The following FLG variants were observed in gnomAD, a reference collection of about 807,000 sequenced individuals.
The protein encoded by FLG is epidermal filaggrin.
Under a neutral mutation model 3.8 loss-of-function variants are expected in FLG, and 6 were observed. The observed-to-expected ratio is 1.60, with a 90% CI of 0.87 to 3.15. The LOEUF (loss-of-function observed/expected upper bound fraction) is 3.15, where lower values mean the gene tolerates loss of function less well. Among genes scored for constraint, FLG ranks in the 30% most tolerant of loss-of-function variants. The pLI, the probability that FLG is intolerant of heterozygous loss-of-function variation, is 0.00. For synonymous variants in FLG, 2,551 were observed against 1,931.6 expected (o/e 1.32, Z -8.41); for missense variants, 7,595 against 5,050.9 (o/e 1.50, Z -15.27).
rs770852026 is a variant in FLG at position 152,312,604 on chromosome 1, G to A, written c.2282C>T (p.Ser761Leu). ...ACCAGCCTGTCCATGGCCTGACACTGACTGTGTGTCTGAGTCTTCTGAATG... is the reference window on the plus strand; with the variant it reads ...ACCAGCCTGTCCATGGCCTGACACTAACTGTGTGTCTGAGTCTTCTGAATG... ...EGHSEDSDTQ[S>L]VSGHGQAGHH... Residue 761 changes from serine to leucine, a missense_variant, in exon 3 of 3, where the codon TCA (serine) becomes TTA (leucine). Physicochemically the swap from Ser to Leu is moderately radical, Grantham distance 145 (BLOSUM62 -2). Coordinates refer to ENST00000368799, the MANE Select transcript of FLG (RefSeq NM_002016.2). 2 of 1,553,542 alleles carry A rather than the reference G, an allele frequency of 1.3e-6. No individual in the cohort carries two copies. The highest frequency in any genetic ancestry group is 1.8e-6 in the Non-Finnish European group (2 of 1,125,894).
Position 152,313,468 on chromosome 1 carries a change from C to G in FLG, c.1418G>C (p.Ser473Thr), listed in dbSNP as rs377592328. ...GGCAGAGTCAGGCTGTTCATGAGTG[C>G]TCACCTGGTAGAGGGAAGACCCTGA... ...GRSGSSLYQV[S>T]THEQPDSAHG... The change falls in exon 3 of 3, where the codon AGC (serine) becomes ACC (threonine). Residue 473 changes from serine (S) to threonine (T), a missense_variant. Transcript: ENST00000368799. 6.2e-7 allele frequency: 1 copy of G among 1,613,884 alleles called. No homozygotes were observed. The highest frequency in any genetic ancestry group is 8.5e-7 in the Non-Finnish European group (1 of 1,179,972).
In FLG at chr1:152,302,476, C is replaced by T. The variant is rs904482456; in HGVS notation, c.*224G>A. ...TCCAGCTAGTTTTCTAAAGTTAGCT[C>T]TCCATGATATTGATTTCTTCCATTT... On this transcript the variant is annotated 3_prime_UTR_variant, in exon 3 of 3. Coordinates refer to ENST00000368799, the MANE Select transcript of FLG (RefSeq NM_002016.2). The T allele has an allele frequency of 5.1e-6, 3 of 588,156 alleles. No homozygotes were observed. Among genetic ancestry groups the T allele is most frequent in the Non-Finnish European group, 8.7e-6 (3 of 344,728 alleles). The allele number at this position is 588,156 out of a possible 1,614,324, so 36.4% of individuals were successfully genotyped here.
At position 152,314,186 on chromosome 1, in the gene FLG, C is replaced by A; in HGVS notation, c.700G>T (p.Ala234Ser). 8 of 1,614,056 alleles carry A rather than the reference C, an allele frequency of 5.0e-6. No homozygotes were observed. The highest frequency in any genetic ancestry group is 5.9e-6 in the Non-Finnish European group (7 of 1,180,004). Residue 234 changes from alanine to serine, a missense_variant, in exon 3 of 3, where the codon GCC (alanine) becomes TCC (serine). Physicochemically the swap from Ala to Ser is moderately conservative, Grantham distance 99. Transcript: ENST00000368799. Reference sequence around the variant, plus strand: ...TCATCCTGGATTGTGTAATATGTGGCAATATGGCCTGATTGTATCCATTTT... The same window carrying A: ...TCATCCTGGATTGTGTAATATGTGGAAATATGGCCTGATTGTATCCATTTT... ...TQKWIQSGHI[A>S]TYYTIQDEAY...
At position 152,302,480 on chromosome 1, in the gene FLG, A is replaced by G. The variant is rs1190701196; in HGVS notation, c.*220T>C. 1.7e-6 allele frequency: 1 copy of G among 602,102 alleles called. No homozygotes were observed. The highest frequency in any genetic ancestry group is 3.0e-5 in the East Asian group (1 of 33,396). 37.3% of individuals were successfully genotyped at this position (602,102 alleles called of 1,614,324 possible). A position where few individuals can be genotyped will look rare whatever the true frequency, so the allele number is the denominator to read the frequency against. ...GCTAGTTTTCTAAAGTTAGCTCTCCATGATATTGATTTCTTCCATTTAATA... is the reference window on the plus strand; with the variant it reads ...GCTAGTTTTCTAAAGTTAGCTCTCCGTGATATTGATTTCTTCCATTTAATA... On this transcript the variant is annotated 3_prime_UTR_variant, in exon 3 of 3. Coordinates refer to ENST00000368799, the MANE Select transcript of FLG (RefSeq NM_002016.2).
rs763655543 is a variant in FLG at position 152,304,907 on chromosome 1, C to T, written c.9979G>A (p.Val3327Ile). ...GIPRGQASSAVRDSRHWGSSG... is the reference protein window; with the variant it reads ...GIPRGQASSAIRDSRHWGSSG... ...GACCCCCAGTGTCTACTGTCTCTGA[C>T]TGCAGATGAAGCTTGTCCACGCGGA... The change falls in exon 3 of 3, where the codon GTC becomes ATC. Residue 3327 changes from valine to isoleucine, a missense_variant. Val to Ile is a conservative substitution (Grantham distance 29). Transcript: ENST00000368799. 6.2e-6 allele frequency: 10 copies of T among 1,613,878 alleles called. No individual in the cohort carries two copies. Among genetic ancestry groups the T allele is most frequent in the East Asian group, 2.2e-5 (1 of 44,806 alleles).
At position 152,313,295 on chromosome 1, in the gene FLG, G is replaced by T. The variant is rs780619446; in HGVS notation, c.1591C>A (p.His531Asn). ...GACCTATTTACCGATTGCTCGTGGT[G>T]GGATCCCTGCCTTCCTCCTCTGCTT... ...GSSRGGRQGS[H>N]HEQSVNRSGH... The change falls in exon 3 of 3, where the codon CAC (histidine) becomes AAC (asparagine). Residue 531 changes from histidine to asparagine, a missense_variant. By Grantham distance (68) the His-to-Asn change is moderately conservative. Transcript: ENST00000368799. The T allele has an allele frequency of 6.2e-7, 1 of 1,613,754 alleles. No homozygotes were observed. The highest frequency in any genetic ancestry group is 1.7e-5 in the Admixed American group (1 of 59,988).
chr1:152,313,391 G>A lies in FLG; in HGVS notation c.1495C>T (p.Gln499Ter). 6 of 1,613,782 alleles carry A rather than the reference G, an allele frequency of 3.7e-6. No homozygotes were observed. The highest frequency in any genetic ancestry group is 1.1e-5 in the South Asian group (1 of 91,054). Reference sequence around the variant, plus strand: ...GAATGCCTGGAGCTGTCTCGTGCCTGCTCGTGGTGCGATCCTTGTCTTCCT... The same window carrying A: ...GAATGCCTGGAGCTGTCTCGTGCCTACTCGTGGTGCGATCCTTGTCTTCCT... ...TGGRQGSHHE[Q>*]ARDSSRHSAS... Residue 499 changes from glutamine (Q) to a stop codon, truncating the protein, a stop_gained, in exon 3 of 3, where the codon CAG becomes TAG. Coordinates refer to ENST00000368799, the MANE Select transcript of FLG (RefSeq NM_002016.2). LOFTEE classifies it low-confidence loss of function (END_TRUNC).
intron 1 of FLG, among the ~76,000 whole-genome samples, chr1:152,317,301 T>A (rs1271705771): frequency 6.6e-6 from 1 of 152,096 alleles, no homozygotes; most frequent in East Asian, 1.9e-4. Flanking sequence ...ATCTGTTCCC[T>A]TTTATAGCAA....
intron 1 of FLG, among the ~76,000 whole-genome samples, chr1:152,318,624 A>T (rs1326590295): frequency 6.6e-6 from 1 of 151,916 alleles, no homozygotes; most frequent in Non-Finnish European, 1.5e-5. Context: ...ATCACTTCAG[A>T]TACCATCTAT....
chr1:152,304,910 C>T lies in FLG; in HGVS notation c.9976G>A (p.Ala3326Thr). The T allele has an allele frequency of 6.2e-7, 1 of 1,613,840 alleles. No individual in the cohort carries two copies. The highest frequency in any genetic ancestry group is 8.5e-7 in the Non-Finnish European group (1 of 1,179,962). Residue 3326 changes from alanine to threonine, a missense_variant, in exon 3 of 3, where the codon GCA (alanine) becomes ACA (threonine). Physicochemically the swap from Ala to Thr is moderately conservative, Grantham distance 58. Transcript: ENST00000368799. ...SGIPRGQASS[A>T]VRDSRHWGSS... The stretch of plus-strand genomic sequence containing the variant: ...CCCCAGTGTCTACTGTCTCTGACTG[C>T]AGATGAAGCTTGTCCACGCGGAATG...
At position 152,304,432 on chromosome 1, in the gene FLG, G is replaced by A. The variant is rs200036291; in HGVS notation, c.10454C>T (p.Ala3485Val). Residue 3485 changes from alanine to valine, a missense_variant, in exon 3 of 3, where the codon GCC (alanine) becomes GTC (valine). Ala to Val is a moderately conservative substitution (Grantham distance 64). Coordinates refer to ENST00000368799, the MANE Select transcript of FLG (RefSeq NM_002016.2). ...ASRGQSGSRS[A>V]SRQTRNDEQS... is the part of the protein sequence containing the mutation. ...TTCGTCATTACGAGTTTGTCTGCTG[G>A]CACTTCTGGATCCTGACTGCCCACG... The A allele has an allele frequency of 3.0e-5, 48 of 1,611,866 alleles. 2 individuals are homozygous for A. In the South Asian group the frequency reaches 4.2e-4, roughly 14 times the overall value.
In FLG at chr1:152,314,576, G is replaced by T. The variant is rs748929953; in HGVS notation, c.310C>A (p.His104Asn). 1.9e-6 allele frequency: 3 copies of T among 1,613,530 alleles called. No individual in the cohort carries two copies. ...LPISGHKHRK[H>N]SHHDKHEDNK... ...TCTTCATGTTTATCATGATGACTGT[G>T]CTTTCTGTGCTTGTGTCCTGATATC... The change falls in exon 3 of 3, where the codon CAC becomes AAC. Residue 104 changes from histidine to asparagine, a missense_variant. Coordinates refer to ENST00000368799, the MANE Select transcript of FLG (RefSeq NM_002016.2).
Position 152,310,827 on chromosome 1 carries a change from T to G in FLG, c.4059A>C (p.Pro1353=), listed in dbSNP as rs767423748. 6.2e-7 allele frequency: 1 copy of G among 1,611,874 alleles called. No individual in the cohort carries two copies. The highest frequency in any genetic ancestry group is 1.1e-5 in the South Asian group (1 of 90,940). ...GGTGGCGGGATCCATGTCTTTCTCC[T>G]GGACTTGATCTTGCCTGTTCATGGG... ...VSSHEQARSS[P]GERHGSRHQQ... The change falls in exon 3 of 3, where the codon CCA becomes CCC. Residue 1353 remains proline, a synonymous_variant. Coordinates refer to ENST00000368799, the MANE Select transcript of FLG (RefSeq NM_002016.2).
Position 152,308,585 on chromosome 1 carries a change from C to G in FLG, c.6301G>C (p.Glu2101Gln). ...GGCGCAGACTGTCCATGGGTGGACT[C>G]AGACTGTTCATGAGTGCTCACCTGG... Reference protein sequence around the residue: ...LYQVSTHEQSESTHGQSAPST... With the variant: ...LYQVSTHEQSQSTHGQSAPST... Residue 2101 changes from glutamate to glutamine, a missense_variant, in exon 3 of 3, where the codon GAG becomes CAG. Transcript: ENST00000368799. The G allele has an allele frequency of 6.2e-7, 1 of 1,614,058 alleles. No homozygotes were observed. Among genetic ancestry groups the G allele is most frequent in the Non-Finnish European group, 8.5e-7 (1 of 1,179,994 alleles).
rs140004568 is a variant in FLG at position 152,312,511 on chromosome 1, G to A, written c.2375C>T (p.Ser792Phe). Residue 792 changes from serine to phenylalanine, a missense_variant, in exon 3 of 3, where the codon TCT (serine) becomes TTT (phenylalanine). Coordinates refer to ENST00000368799, the MANE Select transcript of FLG (RefSeq NM_002016.2). ...RSGERSRRSG[S>F]FLYQVSTHKQ... The stretch of plus-strand genomic sequence containing the variant: ...ATGAGTGCTCACCTGGTAGAGGAAA[G>A]ACCCTGAACGTCGAGACCTTTCCCC... 6 of 1,613,484 alleles carry A rather than the reference G, an allele frequency of 3.7e-6. No individual in the cohort carries two copies. The highest frequency in any genetic ancestry group is 3.3e-5 in the Admixed American group (2 of 59,986).
Position 152,304,102 on chromosome 1 carries a change from G to C in FLG, c.10784C>G (p.Ser3595Cys). 6.2e-7 allele frequency: 1 copy of C among 1,608,084 alleles called. No homozygotes were observed. Among genetic ancestry groups the C allele is most frequent in the Non-Finnish European group, 8.5e-7 (1 of 1,179,128 alleles). Residue 3595 changes from serine (S) to cysteine (C), a missense_variant, in exon 3 of 3, where the codon TCC becomes TGC. Transcript: ENST00000368799. ...RAGHGHSAESSRQSGTHHAEN... is the reference protein window; with the variant it reads ...RAGHGHSAESCRQSGTHHAEN... ...TGCATGATGAGTGCCTGATTGTCTG[G>C]AGCTCTCTGCAGAGTGCCCGTGACC...
In FLG at chr1:152,303,498, C is replaced by G; in HGVS notation, c.11388G>C (p.Arg3796Ser). The stretch of plus-strand genomic sequence containing the variant: ...CTGACTGCCCATGGGAGGCATCAGA[C>G]CTTCCCTGGGATGTGGTGTGGCTGT... Reference protein sequence around the residue: ...SHHSHTTSQGRSDASHGQSGS... With the variant: ...SHHSHTTSQGSSDASHGQSGS... Residue 3796 changes from arginine (R) to serine (S), a missense_variant, in exon 3 of 3, where the codon AGG (arginine) becomes AGC (serine). Arg to Ser is a moderately radical substitution (Grantham distance 110, BLOSUM62 -1). Transcript: ENST00000368799. The G allele has an allele frequency of 1.9e-6, 3 of 1,614,110 alleles. No homozygotes were observed. Among genetic ancestry groups the G allele is most frequent in the Admixed American group, 3.3e-5 (2 of 60,008 alleles).
rs772493922 is a variant in FLG at position 152,308,150 on chromosome 1, C to G, written c.6736G>C (p.Asp2246His). The stretch of plus-strand genomic sequence containing the variant: ...TCTGAGTGTCCCTCACTGTCACTGT[C>G]CTGGCTAACACTGGATCCCCGGGGC... Reference protein sequence around the residue: ...SRPRGSSVSQDSDSEGHSEDS... With the variant: ...SRPRGSSVSQHSDSEGHSEDS... The change falls in exon 3 of 3, where the codon GAC (aspartate) becomes CAC (histidine). Residue 2246 changes from aspartate to histidine, a missense_variant. Asp to His is a moderately conservative substitution (Grantham distance 81). Transcript: ENST00000368799. The G allele has an allele frequency of 2.5e-6, 4 of 1,613,932 alleles. No individual in the cohort carries two copies.
rs141369067 is a variant in FLG at position 152,308,415 on chromosome 1, C to G, written c.6471G>C (p.Ser2157=). 23 of 1,613,778 alleles carry G rather than the reference C, an allele frequency of 1.4e-5. No individual in the cohort carries two copies. The highest frequency in any genetic ancestry group is 1.8e-5 in the Non-Finnish European group (21 of 1,179,882). The change falls in exon 3 of 3, where the codon TCG becomes TCC. Residue 2157 remains serine, a synonymous_variant. Coordinates refer to ENST00000368799, the MANE Select transcript of FLG (RefSeq NM_002016.2). ...ACCCTGAGTGTCCAGACCTATCTAC[C>G]GATTGCTCTTGGTGGGACCCCTGTC... is the stretch of plus-strand genomic sequence containing the variant. ...GGRQGSHQEQ[S]VDRSGHSGSH...
Sources: allele counts gnomAD v4.1 joint callset (sites outside exome capture counted in the v4.1 genomes callset), GRCh38; gene constraint gnomAD v4.1.1; transcripts MANE v1.5; gene names NCBI Gene and HGNC (gene_info 2026-07-23, HGNC 2026-07-21).